The following SYT9 variants were observed in gnomAD, a reference collection of about 807,000 sequenced individuals.
SYT9 encodes the protein synaptotagmin 9, also known as synaptotagmin-9.
SYT9 carries 22 observed loss-of-function variants against 48.4 expected under a neutral mutation model. The ratio of observed to expected loss-of-function variants is 0.45; its 90% CI spans 0.32 to 0.65. The LOEUF (loss-of-function observed/expected upper bound fraction) is 0.65, where lower values mean the gene tolerates loss of function less well. Among genes scored for constraint, SYT9 ranks in the 30% least tolerant of loss-of-function variants. The pLI, the probability that SYT9 is intolerant of heterozygous loss-of-function variation, is 0.03. For missense variants in SYT9, 577 were observed against 622.0 expected, an observed-to-expected ratio of 0.93 and a Z score of 0.77; for synonymous variants, 265 against 245.0, an observed-to-expected ratio of 1.08 and a Z score of -0.76.
At chr11:7,369,182 G>A (rs772523496) in intron 3 of SYT9, among the ~76,000 whole-genome samples, 8 of 152,132 alleles carry the variant, frequency 5.3e-5, no homozygotes, top group Non-Finnish European at 7.4e-5. Context: ...ATTCTAACTG[G>A]CGTGAGATGG....
intron 3 of SYT9, among the ~76,000 whole-genome samples, chr11:7,386,390 T>C (rs1168961495): frequency 6.6e-6 from 1 of 151,458 alleles, no homozygotes; most frequent in Admixed American, 6.6e-5. Flanking sequence ...ATTTTTGCAA[T>C]CTACTCATCT....
chr11:7,269,282 C>T (rs550693944), intron 1 of SYT9, among the ~76,000 whole-genome samples: 1 of 152,072 alleles, frequency 6.6e-6, no homozygotes, highest in African/African-American at 2.4e-5. Context: ...TGGGAAAAAA[C>T]ATTATATGCC....
chr11:7,425,568 G>A (rs1242648104), intron 6 of SYT9, among the ~76,000 whole-genome samples: 2 of 152,154 alleles, frequency 1.3e-5, no homozygotes, highest in Non-Finnish European at 2.9e-5. Flanking sequence ...AGCATGGACT[G>A]AAACGTACAA....
intron 3 of SYT9, among the ~76,000 whole-genome samples, chr11:7,349,728 C>T (rs538947739): frequency 7.9e-5 from 12 of 152,222 alleles, no homozygotes; most frequent in African/African-American, 2.9e-4. Flanking sequence ...GCTATTATGC[C>T]CATATGACAG....
intron 3 of SYT9, among the ~76,000 whole-genome samples, chr11:7,410,929 A>G (rs912922188): frequency 6.6e-6 from 1 of 151,966 alleles, no homozygotes; most frequent in African/African-American, 2.4e-5. Flanking sequence ...GTCCCAGCTC[A>G]CTGCAACCTC....
At chr11:7,405,578 C>T (rs989308278) in intron 3 of SYT9, among the ~76,000 whole-genome samples, 4 of 152,130 alleles carry the variant, frequency 2.6e-5, no homozygotes, top group Non-Finnish European at 5.9e-5. Context: ...TGATTTAGCT[C>T]CCAGCATCTG....
chr11:7,410,516 C>A (rs1260961431), intron 3 of SYT9, among the ~76,000 whole-genome samples: 1 of 152,166 alleles, frequency 6.6e-6, no homozygotes, highest in African/African-American at 2.4e-5. Context: ...TGAATCTGGG[C>A]ACTCCAGGGT....
chr11:7,257,980 C>G (rs1048404879), intron 1 of SYT9, among the ~76,000 whole-genome samples: 2 of 152,142 alleles, frequency 1.3e-5, no homozygotes, highest in African/African-American at 4.8e-5. Flanking sequence ...ATCAAAAGCA[C>G]AAACTTTTTG....
chr11:7,262,423 T>A (rs1848096937), intron 1 of SYT9, among the ~76,000 whole-genome samples: 1 of 152,026 alleles, frequency 6.6e-6, no homozygotes. Flanking sequence ...AGCATGTATG[T>A]GATATGGGTC....
At chr11:7,393,044 A>G (rs751714414) in intron 3 of SYT9, among the ~76,000 whole-genome samples, 21 of 152,148 alleles carry the variant, frequency 1.4e-4, no homozygotes, top group Admixed American at 3.9e-4. Context: ...CTGTCAGCAA[A>G]GAGAGATAAT....
At chr11:7,335,930 G>A (rs536022551) in intron 3 of SYT9, among the ~76,000 whole-genome samples, 54 of 152,110 alleles carry the variant, frequency 3.6e-4, no homozygotes, top group South Asian at 8.3e-4. Flanking sequence ...TGCTTTCCAC[G>A]ATGGTTGAAC....
chr11:7,414,962 CAG>C (rs1847211024), intron 3 of SYT9, among the ~76,000 whole-genome samples: 1 of 152,196 alleles, frequency 6.6e-6, no homozygotes, highest in Non-Finnish European at 1.5e-5. Context: ...AGGTATCTCT[CAG>C]AAATTGAAAC....
At chr11:7,328,333 C>G (rs1192529610) in intron 3 of SYT9, among the ~76,000 whole-genome samples, 1 of 151,850 alleles carries the variant, frequency 6.6e-6, no homozygotes, top group Non-Finnish European at 1.5e-5. Flanking sequence ...CATTTAAATT[C>G]TAATTTTTAA....
At chr11:7,379,441 C>T (rs1850517335) in intron 3 of SYT9, among the ~76,000 whole-genome samples, 1 of 152,082 alleles carries the variant, frequency 6.6e-6, no homozygotes, top group African/African-American at 2.4e-5. Flanking sequence ...CATTTCTGGT[C>T]TCTCAGTCTC....
intron 3 of SYT9, among the ~76,000 whole-genome samples, chr11:7,329,879 G>A (rs909219852): frequency 6.6e-6 from 1 of 152,162 alleles, no homozygotes; most frequent in African/African-American, 2.4e-5. Context: ...GGACAGGGAA[G>A]AAAGCTGAGA....
intron 1 of SYT9, among the ~76,000 whole-genome samples, chr11:7,291,814 A>C (rs775001687): frequency 3.3e-5 from 5 of 152,188 alleles, no homozygotes; most frequent in African/African-American, 4.8e-5. Flanking sequence ...CTCTAAACAC[A>C]TGCATGGCCA....
chr11:7,282,939 C>T (rs1848528858), intron 1 of SYT9, among the ~76,000 whole-genome samples: 1 of 149,910 alleles, frequency 6.7e-6, no homozygotes, highest in Non-Finnish European at 1.5e-5. Context: ...CACACACACA[C>T]ACACATTACC....
upstream of SYT9, among the ~76,000 whole-genome samples, chr11:7,247,560 C>T (rs368868419): frequency 3.0e-5 from 4 of 135,044 alleles, no homozygotes; most frequent in Admixed American, 1.6e-4. Flanking sequence ...CATGTATATA[C>T]ACATATATAC....
intron 2 of SYT9, among the ~76,000 whole-genome samples, chr11:7,309,468 A>G (rs968362969): frequency 1.3e-5 from 2 of 152,000 alleles, no homozygotes; most frequent in African/African-American, 4.8e-5. Flanking sequence ...CACTCCCTCA[A>G]TGTCATTGTC....
Sources: allele counts gnomAD v4.1 joint callset (sites outside exome capture counted in the v4.1 genomes callset), GRCh38; gene constraint gnomAD v4.1.1; transcripts MANE v1.5; gene names NCBI Gene and HGNC (gene_info 2026-07-23, HGNC 2026-07-21).